Variants in MOSMO observed in about 807,000 individuals in gnomAD.
The protein encoded by MOSMO is modulator of smoothened, also known as modulator of smoothened protein.
In MOSMO, 5 loss-of-function variants were observed where a neutral mutation model predicts 18.4. The observed-to-expected ratio is 0.27, with a 90% CI of 0.14 to 0.57. The LOEUF (loss-of-function observed/expected upper bound fraction) is 0.57, where lower values mean the gene tolerates loss of function less well. MOSMO is among the 20% of genes least tolerant of loss of function. The pLI is 0.92. For missense variants in MOSMO, 138 were observed against 211.8 expected, an observed-to-expected ratio of 0.65 and a Z score of 2.16; for synonymous variants, 82 against 82.3, an observed-to-expected ratio of 1.00 and a Z score of 0.02.
chr16:22,065,756 T>G (rs1350980263), intron 1 of MOSMO, among the ~76,000 whole-genome samples: 1 of 152,266 alleles, frequency 6.6e-6, no homozygotes, highest in Non-Finnish European at 1.5e-5. Flanking sequence ...ACTATTTTTT[T>G]GCTGAAGCAG....
intron 1 of MOSMO, among the ~76,000 whole-genome samples, chr16:22,073,351 G>A (rs902604089): frequency 2.0e-5 from 3 of 152,126 alleles, no homozygotes; most frequent in Non-Finnish European, 4.4e-5. Context: ...ATTGCATTTT[G>A]TCAGAGGGTC....
At chr16:22,077,713 A>T (rs1257420372) in intron 2 of MOSMO, among the ~76,000 whole-genome samples, 1 of 152,088 alleles carries the variant, frequency 6.6e-6, no homozygotes, top group Admixed American at 6.5e-5. Flanking sequence ...TGACAGCCCC[A>T]CCGAGGACCT....
At chr16:22,053,189 C>T (rs922639079) in intron 1 of MOSMO, among the ~76,000 whole-genome samples, 3 of 151,498 alleles carry the variant, frequency 2.0e-5, no homozygotes, top group African/African-American at 7.3e-5. Context: ...TCTCCAACTC[C>T]TGGCCTCAAG....
chr16:22,044,458 C>T (rs1900269005), intron 1 of MOSMO, among the ~76,000 whole-genome samples: 2 of 152,086 alleles, frequency 1.3e-5, no homozygotes, highest in African/African-American at 4.8e-5. Flanking sequence ...ATCCCAAATC[C>T]CAAATGCTCC....
At chr16:22,020,443 C>T (rs1429337318) in intron 1 of MOSMO, among the ~76,000 whole-genome samples, 1 of 151,282 alleles carries the variant, frequency 6.6e-6, no homozygotes, top group Non-Finnish European at 1.5e-5. Flanking sequence ...TACAGGCATG[C>T]GCCACCACGC....
At chr16:22,064,754 C>CAGAA (rs1307776536) in intron 1 of MOSMO, among the ~76,000 whole-genome samples, 2 of 151,722 alleles carry the variant, frequency 1.3e-5, no homozygotes, top group Non-Finnish European at 2.9e-5. Context: ...TTTCCAAAGA[C>CAGAA]AGAATTGTAT....
intron 1 of MOSMO, among the ~76,000 whole-genome samples, chr16:22,063,934 T>C (rs1228183793): frequency 6.6e-6 from 1 of 152,214 alleles, no homozygotes; most frequent in East Asian, 1.9e-4. Context: ...GTTAGCATCA[T>C]GTGCTAGGAA....
chr16:22,067,805 G>C (rs1900776303), intron 1 of MOSMO, among the ~76,000 whole-genome samples: 1 of 152,034 alleles, frequency 6.6e-6, no homozygotes, highest in Non-Finnish European at 1.5e-5. Context: ...CTTGAAACCT[G>C]GTAGGCAGAG....
intron 1 of MOSMO, among the ~76,000 whole-genome samples, chr16:22,036,304 T>G (rs540463947): frequency 3.5e-4 from 53 of 152,158 alleles, no homozygotes; most frequent in African/African-American, 1.3e-3. Flanking sequence ...TTTTTGTATT[T>G]TTGTGGAGAC....
rs540419376 is a variant in MOSMO at position 22,024,885 on chromosome 16, T to C, written c.106+16478T>C. On this transcript the variant is annotated intron_variant, in intron 1 of 2. Transcript: ENST00000542527. ...TGTTCTGTCTGGACATGACGGTTCA[T>C]GTGCCTGTAATCTGAGCACTTTGGG... Among the ~76,000 whole-genome samples, 4 of 152,230 alleles carry C rather than the reference T, an allele frequency of 2.6e-5. No homozygotes were observed. In the South Asian group the frequency reaches 8.3e-4, roughly 32 times the overall value.
chr16:22,037,763 A>T (rs565634123), intron 1 of MOSMO, among the ~76,000 whole-genome samples: 3 of 152,266 alleles, frequency 2.0e-5, no homozygotes, highest in East Asian at 3.9e-4. Flanking sequence ...AGATGAAGAG[A>T]TGAATAGGGC....
chr16:22,017,976 G>A (rs1473629884), intron 1 of MOSMO, among the ~76,000 whole-genome samples: 2 of 152,034 alleles, frequency 1.3e-5, no homozygotes, highest in African/African-American at 4.8e-5. Flanking sequence ...TTTGCTTAAG[G>A]GAAGTTTCAG....
chr16:22,041,139 C>T (rs1182237673), intron 1 of MOSMO, among the ~76,000 whole-genome samples: 1 of 152,088 alleles, frequency 6.6e-6, no homozygotes, highest in Admixed American at 6.5e-5. Flanking sequence ...AATTTAAATA[C>T]AGTAATGAAG....
At chr16:22,023,156 T>G (rs1450009440) in intron 1 of MOSMO, among the ~76,000 whole-genome samples, 1 of 152,170 alleles carries the variant, frequency 6.6e-6, no homozygotes, top group Admixed American at 6.5e-5. Flanking sequence ...TAGCAAAGAA[T>G]CTTACTAAGA....
At chr16:22,086,202 C>T (rs1901171953), downstream of MOSMO, 1 of 152,244 alleles carries the variant, frequency 6.6e-6, no homozygotes. Context: ...ATACTCATAA[C>T]ACAAAAGAAA....
At chr16:22,032,209 T>C (rs1355502365) in intron 1 of MOSMO, among the ~76,000 whole-genome samples, 1 of 145,858 alleles carries the variant, frequency 6.9e-6, no homozygotes, top group Non-Finnish European at 1.5e-5. Flanking sequence ...TTTTTTTTGG[T>C]GAGAGATTCT....
chr16:22,016,388 C>G (rs1294542033), intron 1 of MOSMO, among the ~76,000 whole-genome samples: 1 of 152,110 alleles, frequency 6.6e-6, no homozygotes, highest in Non-Finnish European at 1.5e-5. Context: ...TTTAGTGTTT[C>G]CCTTTTGTAC....
intron 1 of MOSMO, among the ~76,000 whole-genome samples, chr16:22,021,317 T>A (rs1899757799): frequency 6.6e-6 from 1 of 152,196 alleles, no homozygotes; most frequent in Non-Finnish European, 1.5e-5. Flanking sequence ...AAATCTGGGT[T>A]CTGATTCTGG....
chr16:22,064,561 G>A (rs1900713832), intron 1 of MOSMO: 3 of 393,256 alleles, frequency 7.6e-6, no homozygotes, highest in Non-Finnish European at 1.0e-5. Context: ...ACTCACTTTG[G>A]TTTATGCTAA....
Sources: gnomAD v4.1 joint callset for allele counts (sites outside exome capture counted in the v4.1 genomes callset) on GRCh38, gnomAD v4.1.1 for gene constraint, MANE v1.5 for transcripts, NCBI Gene and HGNC (gene_info 2026-07-23, HGNC 2026-07-21) for gene names.